C8B: variants seen among roughly 807,000 people sequenced by gnomAD.
C8B encodes complement component C8 beta chain.
A neutral mutation model predicts 64.6 loss-of-function variants in C8B; 67 were observed. The ratio of observed to expected loss-of-function variants is 1.04; its 90% CI spans 0.85 to 1.27. The LOEUF is 1.27. C8B is among the 50% of genes most tolerant of loss of function. C8B has a pLI of 0.00. For missense variants in C8B, 790 were observed against 725.2 expected (o/e 1.09, Z -1.03); for synonymous variants, 284 against 257.7 (o/e 1.10, Z -0.98).
At chr1:56,949,860 G>A (rs1250659999) in intron 5 of C8B, 108 bp from the exon 6 acceptor site, 2 of 790,884 alleles carry the variant, frequency 2.5e-6, no homozygotes, top group Admixed American at 4.1e-5. Context: ...TACTGAACTA[G>A]ATGCTCTGGA....
At chr1:56,954,853 A>ACAGC (rs1416323012) in intron 3 of C8B, 26 bp from the exon 4 acceptor site, 4 of 1,613,920 alleles carry the variant, frequency 2.5e-6, no homozygotes, top group Non-Finnish European at 2.5e-6. Flanking sequence ...AGTATTACCC[A>ACAGC]CAGCCACATG....
intron 3 of C8B, among the ~76,000 whole-genome samples, chr1:56,955,756 A>G (rs1358430530): frequency 1.3e-5 from 2 of 152,198 alleles, no homozygotes; most frequent in African/African-American, 4.8e-5. Context: ...ATTTGCAATA[A>G]CCCCTAGAAA....
chr1:56,943,656 AACATT>A (rs1644897678), intron 8 of C8B, 35 bp downstream of exon 8: 1 of 1,612,324 alleles, frequency 6.2e-7, no homozygotes, highest in Non-Finnish European at 8.5e-7. Flanking sequence ...TAGGAGGATA[AACATT>A]ATAAGTGTGG....
intron 9 of C8B, among the ~76,000 whole-genome samples, chr1:56,938,396 G>T (rs1188102944): frequency 6.6e-6 from 1 of 152,144 alleles, no homozygotes; most frequent in Non-Finnish European, 1.5e-5. Flanking sequence ...CTTTTCATCT[G>T]ATTAGTGTCT....
At chr1:56,952,327 A>T (rs571315245) in intron 4 of C8B, 147 bp from the exon 5 acceptor site, 51 of 1,096,926 alleles carry the variant, frequency 4.6e-5, no homozygotes, top group Non-Finnish European at 7.0e-5. Context: ...TTCCAGCTTC[A>T]TTTATGGCCG....
intron 1 of C8B, 110 bp downstream of exon 1, chr1:56,965,745 TAA>T (rs1403158952): frequency 6.8e-6 from 8 of 1,172,182 alleles, no homozygotes; most frequent in Non-Finnish European, 8.9e-6. Context: ...CAAATTGCCT[TAA>T]GAGACGTTCC....
chr1:56,952,996 T>A (rs1570397491), intron 4 of C8B, among the ~76,000 whole-genome samples: 2 of 152,222 alleles, frequency 1.3e-5, no homozygotes, highest in East Asian at 3.8e-4. Context: ...ATTTACAATA[T>A]TATTCACAAT....
In C8B at chr1:56,949,733, A is replaced by C; in HGVS notation, c.686T>G (p.Phe229Cys). 1 of 1,613,262 alleles carries C rather than the reference A, an allele frequency of 6.2e-7. No homozygotes were observed. Among genetic ancestry groups the C allele is most frequent in the Non-Finnish European group, 8.5e-7 (1 of 1,179,546 alleles). The change falls in exon 6 of 12, where the codon TTC (phenylalanine) becomes TGC (cysteine). Residue 229 changes from phenylalanine (F) to cysteine (C), a missense_variant. Transcript: ENST00000371237. ...GTATGATTCATACTCTTTTAATATG[A>C]ATTCGTATTTGCCTTGGGTCTAAAG... ...YTPQTQGKYE[F>C]ILKEYESYSD...
intron 4 of C8B, among the ~76,000 whole-genome samples, chr1:56,954,326 G>A (rs1305819084): frequency 6.6e-6 from 1 of 152,148 alleles, no homozygotes; most frequent in Non-Finnish European, 1.5e-5. Flanking sequence ...TTGTCAATAG[G>A]ATTCAAGAAT....
chr1:56,936,862 G>T (rs1644783581), intron 9 of C8B, among the ~76,000 whole-genome samples: 1 of 151,964 alleles, frequency 6.6e-6, no homozygotes. Context: ...CACAGTGCTG[G>T]GATTACAGGT....
chr1:56,961,901 A>G (rs1645185455), intron 1 of C8B, among the ~76,000 whole-genome samples: 1 of 152,168 alleles, frequency 6.6e-6, no homozygotes, highest in Non-Finnish European at 1.5e-5. Context: ...TTGAGGCAGG[A>G]TGCTACACAC....
intron 3 of C8B, among the ~76,000 whole-genome samples, chr1:56,955,827 A>G (rs147528061): frequency 7.2e-5 from 11 of 152,352 alleles, no homozygotes; most frequent in African/African-American, 2.4e-4. Context: ...ACATGGGTAC[A>G]GTAAATGTAG....
chr1:56,946,219 C>G (rs1000028053), intron 6 of C8B, among the ~76,000 whole-genome samples, 158 bp from the exon 7 acceptor site: 1 of 152,140 alleles, frequency 6.6e-6, no homozygotes, highest in Admixed American at 6.5e-5. Flanking sequence ...CTTTGACAAG[C>G]TTTCAGTGCT....
intron 8 of C8B, among the ~76,000 whole-genome samples, chr1:56,941,465 GATAA>G (rs552749471): frequency 1.1e-4 from 17 of 151,806 alleles, no homozygotes; most frequent in African/African-American, 2.4e-4. Context: ...TAGACAGACA[GATAA>G]ATAGATAGAT....
At chr1:56,934,361 T>A (rs1302297636) in intron 9 of C8B, among the ~76,000 whole-genome samples, 1 of 152,064 alleles carries the variant, frequency 6.6e-6, no homozygotes, top group Non-Finnish European at 1.5e-5. Flanking sequence ...AGAGGAAGAA[T>A]CAGCAGATGC....
chr1:56,954,033 C>T (rs904461097), intron 4 of C8B, among the ~76,000 whole-genome samples: 6 of 152,140 alleles, frequency 3.9e-5, no homozygotes, highest in Non-Finnish European at 7.3e-5. Flanking sequence ...CCTCCCCAGG[C>T]TGTGTCTCAT....
rs146187042 is a variant in C8B, at chr1:56,956,889, G to A, written c.271C>T (p.Gln91Ter). The A allele has an allele frequency of 3.4e-4, 545 of 1,613,994 alleles. No individual in the cohort carries two copies. Among genetic ancestry groups the A allele is most frequent in the Non-Finnish European group, 4.4e-4 (521 of 1,179,998 alleles). The change falls in exon 3 of 12, where the codon CAG (glutamine) becomes TAG (stop). Residue 91 changes from glutamine to a stop codon, truncating the protein, a stop_gained. Transcript: ENST00000371237. LOFTEE classifies it high-confidence loss of function. ...GGTTCCCCATGGAACTGAGAGGGCT[G>A]GAGCAAGTAGGCATACCTGTACTGT... is the stretch of plus-strand genomic sequence containing the variant. The part of the protein sequence containing the change: ...KKRYRYAYLL[Q>*]PSQFHGEPCN...
In C8B at chr1:56,958,188, C is replaced by T. The variant is rs372550884; in HGVS notation, c.250-1278G>A. 2.8e-4 allele frequency among the ~76,000 whole-genome samples: 43 copies of T among 152,184 alleles called. 1 individual carries two copies. The East Asian group carries it at 4.8e-3, about 17-fold the overall frequency. ...AAAGTGATTACAGGATTTTATCCTG[C>T]GGCAATGAGAAACTGCTGCAGAGGA... On this transcript the variant is annotated intron_variant, in intron 2 of 11. Transcript: ENST00000371237.
intron 1 of C8B, among the ~76,000 whole-genome samples, chr1:56,960,706 C>T (rs946936317): frequency 6.6e-6 from 1 of 152,176 alleles, no homozygotes; most frequent in South Asian, 2.1e-4. Flanking sequence ...TGAGATGCTT[C>T]TCATGTGGAA....
Sources: allele counts gnomAD v4.1 joint callset (sites outside exome capture counted in the v4.1 genomes callset), GRCh38; gene constraint gnomAD v4.1.1; transcripts MANE v1.5; gene names NCBI Gene and HGNC (gene_info 2026-07-23, HGNC 2026-07-21).